PLCL1: variants seen among roughly 807,000 people sequenced by gnomAD.
PLCL1 encodes the protein phospholipase C like 1 (inactive).
PLCL1 carries 41 observed loss-of-function variants against 84.4 expected under a neutral mutation model. The ratio of observed to expected loss-of-function variants is 0.49; its 90% confidence interval spans 0.38 to 0.63. The LOEUF is 0.63. Among genes scored for constraint, PLCL1 ranks in the 30% least tolerant of loss-of-function variants. The probability of loss-of-function intolerance (pLI) is 0.00; values close to 1 mark genes in which losing one functional copy is unlikely to be tolerated. For missense variants in PLCL1, 1,206 were observed against 1,367.8 expected (o/e 0.88, Z 1.87); for synonymous variants, 490 against 488.3 (o/e 1.00, Z -0.05).
intron 1 of PLCL1, among the ~76,000 whole-genome samples, chr2:197,835,091 T>C (rs536069106): frequency 1.3e-5 from 2 of 152,062 alleles, no homozygotes; most frequent in East Asian, 1.9e-4. Flanking sequence ...TAAGTGTGAG[T>C]TGAACAATGA....
At chr2:197,996,912 G>C (rs540995274) in intron 1 of PLCL1, among the ~76,000 whole-genome samples, 2 of 152,166 alleles carry the variant, frequency 1.3e-5, no homozygotes, top group Non-Finnish European at 2.9e-5. Context: ...TGGCATTAGC[G>C]TACCAGGGCT....
chr2:197,972,894 C>T (rs1574976603), intron 1 of PLCL1, among the ~76,000 whole-genome samples: 1 of 152,142 alleles, frequency 6.6e-6, no homozygotes, highest in Non-Finnish European at 1.5e-5. Flanking sequence ...TCCAGTTCTC[C>T]ATACACTTTG....
chr2:197,923,539 C>T (rs1210456471), intron 1 of PLCL1, among the ~76,000 whole-genome samples: 48 of 142,764 alleles, frequency 3.4e-4, no homozygotes, highest in Non-Finnish European at 6.7e-4. Flanking sequence ...GGCAGAGTCG[C>T]TCCCCACATC....
At chr2:198,124,622 A>G (rs1460049644) in intron 5 of PLCL1, among the ~76,000 whole-genome samples, 1 of 152,090 alleles carries the variant, frequency 6.6e-6, no homozygotes, top group Non-Finnish European at 1.5e-5. Context: ...TTCAAAAAAC[A>G]CAAACAAAGC....
At chr2:197,808,788 A>G (rs890015038) in intron 1 of PLCL1, among the ~76,000 whole-genome samples, 7 of 152,236 alleles carry the variant, frequency 4.6e-5, no homozygotes, top group Admixed American at 1.3e-4. Flanking sequence ...TGTATTTTAA[A>G]AATAGCAGTT....
Position 198,082,950 on chromosome 2 carries a change from A to T in PLCL1, c.241-808A>T, listed in dbSNP as rs1209619720. ...TGGGCTGAGGAAACTGGAATTCTGT[A>T]ACACTAAGATCCAAGGACACTTCCA... is the stretch of plus-strand genomic sequence containing the variant. On this transcript the variant is annotated intron_variant, in intron 1 of 5. Coordinates refer to ENST00000428675, the MANE Select transcript of PLCL1 (RefSeq NM_006226.4). 7.9e-5 allele frequency among the ~76,000 whole-genome samples: 12 copies of T among 152,174 alleles called. No individual in the cohort carries two copies. The East Asian group carries it at 2.1e-3, about 27-fold the overall frequency.
chr2:197,885,341 C>T (rs187910365), intron 1 of PLCL1, among the ~76,000 whole-genome samples: 3 of 152,106 alleles, frequency 2.0e-5, no homozygotes, highest in Non-Finnish European at 4.4e-5. Flanking sequence ...GCCAGAGGAA[C>T]TGATGGTGTG....
intron 1 of PLCL1, among the ~76,000 whole-genome samples, chr2:198,059,125 T>G (rs1421880083): frequency 6.6e-6 from 1 of 152,150 alleles, no homozygotes; most frequent in African/African-American, 2.4e-5. Context: ...GGTTCCCTAT[T>G]CTGGCTACTC....
At chr2:198,113,247 T>C (rs1693664495) in intron 5 of PLCL1, among the ~76,000 whole-genome samples, 1 of 151,936 alleles carries the variant, frequency 6.6e-6, no homozygotes, top group African/African-American at 2.4e-5. Context: ...GGAAGTGCAA[T>C]GCATAAATGA....
chr2:198,086,078 G>T lies in PLCL1; in HGVS notation c.2561G>T (p.Gly854Val). The T allele has an allele frequency of 6.2e-7, 1 of 1,614,118 alleles. No individual in the cohort carries two copies. Among genetic ancestry groups the T allele is most frequent in the South Asian group, 1.1e-5 (1 of 91,086 alleles). Residue 854 changes from glycine to valine, a missense_variant, in exon 2 of 6, where the codon GGA becomes GTA. Transcript: ENST00000428675. ...HIAITNRSGG[G>V]KAQKRSLSVR... ...GCAATAACTAATCGAAGTGGAGGAGGAAAGGCACAGAAGCGCAGTCTTTCA... is the reference window on the plus strand; with the variant it reads ...GCAATAACTAATCGAAGTGGAGGAGTAAAGGCACAGAAGCGCAGTCTTTCA...
At chr2:198,042,348 T>C (rs1046391762) in intron 1 of PLCL1, among the ~76,000 whole-genome samples, 4 of 152,190 alleles carry the variant, frequency 2.6e-5, no homozygotes, top group African/African-American at 7.2e-5. Context: ...GTATAAATTA[T>C]GGTTTTAGTT....
At chr2:197,964,858 T>C (rs1850633) in intron 1 of PLCL1, among the ~76,000 whole-genome samples, 1 of 151,922 alleles carries the variant, frequency 6.6e-6, no homozygotes, top group South Asian at 2.1e-4. Flanking sequence ...GTTTTTTATC[T>C]TTTATTCTAT....
intron 1 of PLCL1, among the ~76,000 whole-genome samples, chr2:197,861,754 G>T (rs1687437048): frequency 6.6e-6 from 1 of 152,102 alleles, no homozygotes; most frequent in Non-Finnish European, 1.5e-5. Flanking sequence ...TGCTTGCTTG[G>T]TGTATGGGGG....
chr2:197,953,211 C>G (rs1185768838), intron 1 of PLCL1, among the ~76,000 whole-genome samples: 1 of 151,988 alleles, frequency 6.6e-6, no homozygotes, highest in Non-Finnish European at 1.5e-5. Context: ...GACTCTGAAG[C>G]TTCTTTTGTC....
intron 1 of PLCL1, among the ~76,000 whole-genome samples, chr2:197,845,606 T>C (rs1444794303): frequency 6.6e-6 from 1 of 152,134 alleles, no homozygotes; most frequent in East Asian, 1.9e-4. Context: ...TCTCAGTAGT[T>C]TTTAAGCCCA....
intron 1 of PLCL1, among the ~76,000 whole-genome samples, chr2:197,860,351 TC>T (rs913790246): frequency 6.6e-6 from 1 of 152,138 alleles, no homozygotes; most frequent in African/African-American, 2.4e-5. Context: ...TGTGCATGTG[TC>T]TTTATGGTGG....
At chr2:198,030,060 G>A (rs1691373908) in intron 1 of PLCL1, among the ~76,000 whole-genome samples, 1 of 151,968 alleles carries the variant, frequency 6.6e-6, no homozygotes, top group African/African-American at 2.4e-5. Context: ...TTGTTACACA[G>A]GTAAAACCAA....
intron 3 of PLCL1, 63 bp downstream of exon 3, chr2:198,089,124 G>T (rs1692958897): frequency 8.4e-7 from 1 of 1,196,140 alleles, no homozygotes; most frequent in Non-Finnish European, 1.2e-6. Flanking sequence ...AAATAGCAGG[G>T]ACTCCTCTGT....
intron 1 of PLCL1, among the ~76,000 whole-genome samples, chr2:198,022,179 C>T (rs1691148440): frequency 6.6e-6 from 1 of 152,164 alleles, no homozygotes; most frequent in African/African-American, 2.4e-5. Context: ...CAATAAAATT[C>T]AACACCCCTT....
Sources: gnomAD v4.1 joint callset for allele counts (sites outside exome capture counted in the v4.1 genomes callset) on GRCh38, gnomAD v4.1.1 for gene constraint, MANE v1.5 for transcripts, NCBI Gene and HGNC (gene_info 2026-07-23, HGNC 2026-07-21) for gene names.